Variants in ABCA13 observed in about 807,000 individuals in gnomAD.
ABCA13 encodes ATP-binding cassette sub-family A member 13.
ABCA13 carries 476 observed loss-of-function variants against 478.7 expected under a neutral mutation model. That is an observed-to-expected ratio of 0.99 (90% CI 0.92 to 1.07). ABCA13 has a LOEUF of 1.07. ABCA13 is among the 50% of genes least tolerant of loss of function. The pLI is 0.00. For missense variants in ABCA13, 6,060 were observed against 5,910.6 expected, an observed-to-expected ratio of 1.03 and a Z score of -0.83; for synonymous variants, 2,252 against 2,158.9, an observed-to-expected ratio of 1.04 and a Z score of -1.20.
chr7:48,458,203 A>G (rs1825873405), intron 43 of ABCA13, among the ~76,000 whole-genome samples: 1 of 152,170 alleles, frequency 6.6e-6, no homozygotes, highest in African/African-American at 2.4e-5. Flanking sequence ...TTCCTTCGTT[A>G]TTGAATCTGA....
intron 55 of ABCA13, among the ~76,000 whole-genome samples, chr7:48,550,907 AT>A (rs1278068633): frequency 1.3e-5 from 2 of 151,192 alleles, no homozygotes; most frequent in African/African-American, 2.4e-5. Context: ...CCAACTGAAA[AT>A]TTTTTTTACC....
intron 31 of ABCA13, among the ~76,000 whole-genome samples, chr7:48,363,818 A>G (rs1811255651): frequency 6.6e-6 from 1 of 151,846 alleles, no homozygotes; most frequent in Non-Finnish European, 1.5e-5. Flanking sequence ...CATCTCATTA[A>G]CTCAATTCTA....
intron 1 of ABCA13, among the ~76,000 whole-genome samples, chr7:48,179,673 T>C (rs1235358959): frequency 6.6e-6 from 1 of 152,156 alleles, no homozygotes; most frequent in Non-Finnish European, 1.5e-5. Flanking sequence ...CAGAATGATG[T>C]CAGCTCATTC....
intron 27 of ABCA13, among the ~76,000 whole-genome samples, chr7:48,328,029 G>A (rs972938674): frequency 1.3e-5 from 2 of 152,220 alleles, no homozygotes; most frequent in African/African-American, 4.8e-5. Flanking sequence ...GCTATTGCTA[G>A]TGTTGTCATT....
chr7:48,393,391 G>A (rs1370077750), intron 38 of ABCA13, among the ~76,000 whole-genome samples: 1 of 152,236 alleles, frequency 6.6e-6, no homozygotes, highest in African/African-American at 2.4e-5. Context: ...TTGCAAAGCA[G>A]AACGTCAACC....
At chr7:48,519,045 AT>A (rs1202475537) in intron 52 of ABCA13, among the ~76,000 whole-genome samples, 2 of 150,780 alleles carry the variant, frequency 1.3e-5, no homozygotes, top group Admixed American at 1.3e-4. Context: ...GCTCCCACTT[AT>A]AAGTGGGAAT....
intron 7 of ABCA13, 88 bp from the exon 8 acceptor site, chr7:48,233,930 T>C: frequency 6.9e-7 from 1 of 1,457,380 alleles, no homozygotes; most frequent in South Asian, 1.3e-5. Flanking sequence ...CCTTTAGAGG[T>C]GAAAAAAGGT....
chr7:48,407,181 A>T (rs1475231569), intron 39 of ABCA13, among the ~76,000 whole-genome samples: 1 of 152,120 alleles, frequency 6.6e-6, no homozygotes, highest in Non-Finnish European at 1.5e-5. Context: ...GATCAAAAAT[A>T]TTCAGGGAAA....
chr7:48,296,599 A>G (rs1051210115), intron 21 of ABCA13, among the ~76,000 whole-genome samples: 6 of 151,598 alleles, frequency 4.0e-5, no homozygotes, highest in African/African-American at 1.2e-4. Flanking sequence ...AGCTGGGACT[A>G]CAGGCACCCG....
intron 55 of ABCA13, among the ~76,000 whole-genome samples, chr7:48,568,321 T>C (rs565675814): frequency 2.0e-5 from 3 of 152,262 alleles, no homozygotes; most frequent in South Asian, 4.1e-4. Context: ...CATAAAAGGG[T>C]ATTGAATTTT....
In ABCA13 at chr7:48,562,351, A is replaced by G. The variant is rs143764451; in HGVS notation, c.14355-17873A>G. 1.1e-3 allele frequency among the ~76,000 whole-genome samples: 173 copies of G among 152,138 alleles called. 1 individual carries two copies. The highest frequency in any genetic ancestry group is 4.1e-3 in the African/African-American group (169 of 41,514). ...GAAATATTAGAAATGTCATTCCTTA[A>G]TGACATCTAAGGTTGGAAGTTAGAG... On this transcript the variant is annotated intron_variant, in intron 55 of 61. Coordinates refer to ENST00000435803, the MANE Select transcript of ABCA13 (RefSeq NM_152701.5).
At chr7:48,376,371 A>G in intron 34 of ABCA13, 70 bp from the exon 35 acceptor site, 1 of 1,550,658 alleles carries the variant, frequency 6.4e-7, no homozygotes, top group East Asian at 2.3e-5. Flanking sequence ...GAAGTAATGA[A>G]CTCATCATGA....
chr7:48,338,225 T>C, intron 28 of ABCA13, 140 bp from the exon 29 acceptor site: 1 of 486,846 alleles, frequency 2.1e-6, no homozygotes, highest in Non-Finnish European at 3.5e-6. Flanking sequence ...TTTATTGTGG[T>C]GTTTTAAAAC....
intron 45 of ABCA13, among the ~76,000 whole-genome samples, chr7:48,480,399 G>A (rs905976811): frequency 4.6e-5 from 7 of 152,194 alleles, no homozygotes; most frequent in African/African-American, 1.4e-4. Flanking sequence ...AGACAGAGTC[G>A]TTTCCTATTT....
At chr7:48,531,530 A>G (rs1057387628) in intron 55 of ABCA13, among the ~76,000 whole-genome samples, 7 of 152,060 alleles carry the variant, frequency 4.6e-5, no homozygotes, top group African/African-American at 1.4e-4. Context: ...TCTGTGAAGA[A>G]TGATGGTGGT....
chr7:48,381,697 C>T (rs934629081), intron 35 of ABCA13, among the ~76,000 whole-genome samples: 3 of 152,170 alleles, frequency 2.0e-5, no homozygotes, highest in Admixed American at 6.5e-5. Context: ...TCATTGACCT[C>T]TTCTTTTATC....
At chr7:48,252,470 A>G (rs1262075871) in intron 15 of ABCA13, among the ~76,000 whole-genome samples, 1 of 152,212 alleles carries the variant, frequency 6.6e-6, no homozygotes, top group East Asian at 1.9e-4. Context: ...CCTGGAGTAT[A>G]CGGTTAGCCT....
chr7:48,574,872 A>T lies in ABCA13; in HGVS notation c.14355-5352A>T, dbSNP rs186241984. On this transcript the variant is annotated intron_variant, in intron 55 of 61. Transcript: ENST00000435803. ...CTTTAAATAGATTTTTCTGCATTTT[A>T]TCCAGCTGTTCCATTGTTTTATGGG... Among the ~76,000 whole-genome samples, 9 of 152,266 alleles carry T rather than the reference A, an allele frequency of 5.9e-5. No individual in the cohort carries two copies. The East Asian group carries it at 7.7e-4, about 13-fold the overall frequency.
In ABCA13 at chr7:48,184,337, A is replaced by G. The variant is rs191534568; in HGVS notation, c.70-8622A>G. 1.4e-4 allele frequency among the ~76,000 whole-genome samples: 21 copies of G among 152,320 alleles called. No individual in the cohort carries two copies. In the East Asian group the frequency reaches 3.5e-3, roughly 25 times the overall value. On this transcript the variant is annotated intron_variant, in intron 1 of 61. Transcript: ENST00000435803. ...CAGATAACTGCATTATCAGTTATAC[A>G]TGTTGAAATAGATGCTTCAAGTCTA...
Sources: gnomAD v4.1 joint callset for allele counts (sites outside exome capture counted in the v4.1 genomes callset) on GRCh38, gnomAD v4.1.1 for gene constraint, MANE v1.5 for transcripts, NCBI Gene and HGNC (gene_info 2026-07-23, HGNC 2026-07-21) for gene names.